The following RTL4 variants were observed in gnomAD, a reference collection of about 807,000 sequenced individuals.
The protein encoded by RTL4 is retrotransposon Gag like 4, also known as retrotransposon Gag-like protein 4.
A neutral mutation model predicts 5.3 loss-of-function variants in RTL4; 4 were observed. That is an observed-to-expected ratio of 0.75 (90% CI 0.37 to 1.72). The LOEUF (loss-of-function observed/expected upper bound fraction) is 1.72, where lower values mean the gene tolerates loss of function less well. RTL4 is among the 40% of genes most tolerant of loss of function. RTL4 has a pLI of 0.04. For missense variants in RTL4, 260 were observed against 227.1 expected (o/e 1.14, Z -0.93); for synonymous variants, 98 against 87.3 (o/e 1.12, Z -0.68).
At chrX:112,277,075 A>G in the RTL4 span, among the ~76,000 whole-genome samples, 1 of 111,936 alleles carries the variant, frequency 8.9e-6, no homozygotes, top group Non-Finnish European at 1.9e-5. Flanking sequence ...GTGCTGGTAA[A>G]TTAAACACAC....
chrX:112,365,624 A>C, the RTL4 span, among the ~76,000 whole-genome samples: 2 of 111,572 alleles, frequency 1.8e-5, no homozygotes, highest in Non-Finnish European at 3.8e-5. Context: ...CAGAGAACCC[A>C]ATGATGATAT....
At chrX:112,343,743 G>T in the RTL4 span, among the ~76,000 whole-genome samples, 3 of 111,889 alleles carry the variant, frequency 2.7e-5, no homozygotes, top group Non-Finnish European at 5.6e-5. Flanking sequence ...ACTATAATCT[G>T]GTTTAAGGAA....
the RTL4 span, among the ~76,000 whole-genome samples, chrX:112,444,027 C>T: frequency 9.0e-6 from 1 of 111,412 alleles, no homozygotes; most frequent in Non-Finnish European, 1.9e-5. Flanking sequence ...AGTCCAATGT[C>T]CTAAAGAGTC....
chrX:112,334,239 T>C, the RTL4 span, among the ~76,000 whole-genome samples: 2 of 112,218 alleles, frequency 1.8e-5, no homozygotes, highest in Non-Finnish European at 3.8e-5. Flanking sequence ...TCTTAGCTAC[T>C]GTAAACAGTG....
chrX:112,266,494 T>C, the RTL4 span, among the ~76,000 whole-genome samples: 1 of 110,327 alleles, frequency 9.1e-6, no homozygotes, highest in Non-Finnish European at 1.9e-5. Context: ...GGGACATGAA[T>C]GGGGGTTGGA....
At chrX:112,407,774 C>A in the RTL4 span, among the ~76,000 whole-genome samples, 10 of 112,901 alleles carry the variant, frequency 8.9e-5, no homozygotes, top group African/African-American at 3.2e-4. Context: ...GCTTGTGTTA[C>A]TCTACCCCCA....
the RTL4 span, among the ~76,000 whole-genome samples, chrX:112,098,098 A>G: frequency 9.7e-6 from 1 of 103,007 alleles, no homozygotes; most frequent in East Asian, 3.2e-4. Context: ...TCCTAATGCT[A>G]TCTCTCCCCC....
chrX:112,149,556 G>A, the RTL4 span, among the ~76,000 whole-genome samples: 11 of 111,737 alleles, frequency 9.8e-5, no homozygotes, highest in Non-Finnish European at 2.1e-4. Context: ...ACTGGTGCAT[G>A]TACAGGGTAG....
the RTL4 span, among the ~76,000 whole-genome samples, chrX:112,238,420 T>C: frequency 8.9e-6 from 1 of 111,941 alleles, no homozygotes; most frequent in South Asian, 3.8e-4. Context: ...TCATTTCTTA[T>C]GTTCCATCTT....
chrX:112,101,444 T>G, the RTL4 span, among the ~76,000 whole-genome samples: 2 of 110,889 alleles, frequency 1.8e-5, no homozygotes, highest in Non-Finnish European at 3.8e-5. Flanking sequence ...AAATAAATCA[T>G]GAAGGTAGAA....
At chrX:112,438,349 A>C in the RTL4 span, among the ~76,000 whole-genome samples, 9 of 111,595 alleles carry the variant, frequency 8.1e-5, no homozygotes, top group Non-Finnish European at 1.7e-4. Flanking sequence ...ATCCTGATGC[A>C]TTGCAGCTGG....
chrX:112,244,383 T>C, the RTL4 span, among the ~76,000 whole-genome samples: 1 of 111,934 alleles, frequency 8.9e-6, no homozygotes, highest in Admixed American at 9.5e-5. Context: ...TACTCCTGTA[T>C]TGGGTGCATA....
chrX:112,342,492 T>C, the RTL4 span, among the ~76,000 whole-genome samples: 1 of 98,717 alleles, frequency 1.0e-5, no homozygotes, highest in African/African-American at 3.7e-5. Flanking sequence ...GACCAATCTC[T>C]ATCTCTATGA....
At chrX:112,125,478 T>C in the RTL4 span, among the ~76,000 whole-genome samples, 69 of 111,879 alleles carry the variant, frequency 6.2e-4, no homozygotes, top group African/African-American at 2.1e-3. Flanking sequence ...AAATAGAACA[T>C]GCCCCTTGGA....
the RTL4 span, among the ~76,000 whole-genome samples, chrX:112,329,930 G>A: frequency 9.2e-6 from 1 of 108,954 alleles, no homozygotes; most frequent in Non-Finnish European, 1.9e-5. Flanking sequence ...CTCAATAGAT[G>A]CAGAAAAGGC....
chrX:112,191,878 A>T, the RTL4 span, among the ~76,000 whole-genome samples: 1 of 111,733 alleles, frequency 8.9e-6, no homozygotes, highest in Admixed American at 9.5e-5. Context: ...ACCCACAAAC[A>T]TGGAATGTCT....
chrX:112,272,912 G>A, the RTL4 span, among the ~76,000 whole-genome samples: 1 of 111,028 alleles, frequency 9.0e-6, no homozygotes, highest in Non-Finnish European at 1.9e-5. Flanking sequence ...TGAGAAAGAT[G>A]CTATTATTAT....
chrX:112,113,696 G>A, the RTL4 span, among the ~76,000 whole-genome samples: 6 of 111,815 alleles, frequency 5.4e-5, no homozygotes, highest in South Asian at 7.5e-4. Context: ...GGGGCAGTGC[G>A]CCTTCTAGTG....
chrX:112,159,090 A>G, the RTL4 span, among the ~76,000 whole-genome samples: 1 of 112,290 alleles, frequency 8.9e-6, no homozygotes, highest in African/African-American at 3.2e-5. Context: ...TAATTTTGCT[A>G]TACATTTATT....
Sources: gnomAD v4.1 joint callset for allele counts (sites outside exome capture counted in the v4.1 genomes callset) on GRCh38, gnomAD v4.1.1 for gene constraint, MANE v1.5 for transcripts, NCBI Gene and HGNC (gene_info 2026-07-23, HGNC 2026-07-21) for gene names.